CPLX1: variants seen among roughly 807,000 people sequenced by gnomAD.
CPLX1 encodes complexin 1.
Under a neutral mutation model 15.6 loss-of-function variants are expected in CPLX1, and 6 were observed. The observed-to-expected ratio is 0.39, with a 90% CI of 0.21 to 0.76. CPLX1 has a LOEUF of 0.76. CPLX1 is among the 30% of genes least tolerant of loss of function. The pLI, the probability that CPLX1 is intolerant of heterozygous loss-of-function variation, is 0.43. For missense variants in CPLX1, 242 were observed against 188.6 expected, an observed-to-expected ratio of 1.28 and a Z score of -1.66; for synonymous variants, 91 against 75.2, an observed-to-expected ratio of 1.21 and a Z score of -1.08.
intron 2 of CPLX1, among the ~76,000 whole-genome samples, chr4:816,083 G>A (rs1018721654): frequency 2.0e-5 from 3 of 152,122 alleles, no homozygotes; most frequent in Non-Finnish European, 4.4e-5. Context: ...CACCTTGGAG[G>A]CTGGTTTTTC....
intron 3 of CPLX1, chr4:787,894 TG>T (rs1746049741): frequency 1.0e-6 from 1 of 985,356 alleles, no homozygotes; most frequent in Non-Finnish European, 1.2e-6. Flanking sequence ...TGGGCTGGCC[TG>T]GAAGGATTGG....
At chr4:804,039 GAGAT>G (rs769274937) in intron 2 of CPLX1, among the ~76,000 whole-genome samples, 9 of 152,246 alleles carry the variant, frequency 5.9e-5, no homozygotes, top group Non-Finnish European at 1.3e-4. Flanking sequence ...GGTGTTCAGT[GAGAT>G]GTGTGTTGTG....
intron 2 of CPLX1, among the ~76,000 whole-genome samples, chr4:823,796 T>G (rs1746918947): frequency 6.6e-6 from 1 of 152,236 alleles, no homozygotes; most frequent in Non-Finnish European, 1.5e-5. Flanking sequence ...AATGACAGCC[T>G]TGGGTCAAGT....
intron 2 of CPLX1, among the ~76,000 whole-genome samples, chr4:795,885 C>T (rs1168890551): frequency 3.3e-5 from 5 of 152,108 alleles, no homozygotes; most frequent in Non-Finnish European, 7.3e-5. Flanking sequence ...CTCCCGGTAG[C>T]AGAAGGGGCA....
chr4:798,194 G>A (rs983809906), intron 2 of CPLX1, among the ~76,000 whole-genome samples: 2 of 144,270 alleles, frequency 1.4e-5, no homozygotes, highest in Non-Finnish European at 3.0e-5. Flanking sequence ...AGAATCACTT[G>A]AACCCAAGAG....
Position 786,282 on chromosome 4 carries a change from C to T in CPLX1, c.*219G>A. On this transcript the variant is annotated 3_prime_UTR_variant, in exon 4 of 4. Coordinates refer to ENST00000304062, the MANE Select transcript of CPLX1 (RefSeq NM_006651.4). ...AGGGGCGTCCCAGGCGATGGGGCTC[C>T]AGCCACCCGCGGGCAGAGGAGCACG... The T allele has an allele frequency of 2.4e-6, 1 of 412,196 alleles. No individual in the cohort carries two copies. The allele number at this position is 412,196 out of a possible 1,614,324, so 25.5% of individuals were successfully genotyped here.
chr4:818,676 C>G (rs1190318247), intron 2 of CPLX1, among the ~76,000 whole-genome samples: 3 of 152,284 alleles, frequency 2.0e-5, no homozygotes, highest in Non-Finnish European at 4.4e-5. Context: ...AGGATTACAA[C>G]TGTCCTGGAA....
chr4:799,222 G>A (rs529513813), intron 2 of CPLX1, among the ~76,000 whole-genome samples: 7 of 152,360 alleles, frequency 4.6e-5, no homozygotes, highest in Non-Finnish European at 1.0e-4. Flanking sequence ...AGGAAGGAAC[G>A]CTACAGAGAG....
rs771615906 is a variant in CPLX1, at chr4:794,764, C to G, written c.32-2156G>C. 5.0e-4 allele frequency among the ~76,000 whole-genome samples: 76 copies of G among 152,330 alleles called. No homozygotes were observed. The Middle Eastern group carries it at 0.014, about 27-fold the overall frequency. On this transcript the variant is annotated intron_variant, in intron 2 of 3. Coordinates refer to ENST00000304062, the MANE Select transcript of CPLX1 (RefSeq NM_006651.4). ...GAGGTGGGTGAGCCTGGTCTCTCCC[C>G]ACATTGCTCTCCTGATGGAAGGGGT...
In CPLX1 at chr4:824,531, C is replaced by T. The variant is rs761969539; in HGVS notation, c.-9G>A. ...TTCATCACAAACTCCATGGCGATTG[C>T]TCTGCTTCCACAGTGGCTCCTCCAG... On this transcript the variant is annotated 5_prime_UTR_variant, in exon 2 of 4. Transcript: ENST00000304062. 3 of 1,612,886 alleles carry T rather than the reference C, an allele frequency of 1.9e-6. No homozygotes were observed. The highest frequency in any genetic ancestry group is 4.5e-5 in the East Asian group (2 of 44,882).
At chr4:810,190 C>T (rs572341408) in intron 2 of CPLX1, among the ~76,000 whole-genome samples, 2 of 152,002 alleles carry the variant, frequency 1.3e-5, no homozygotes, top group South Asian at 2.1e-4. Flanking sequence ...GCTGGGATTA[C>T]AGGCGCCTGC....
chr4:807,023 G>A (rs762124524), intron 2 of CPLX1, among the ~76,000 whole-genome samples: 6 of 152,132 alleles, frequency 3.9e-5, no homozygotes, highest in African/African-American at 9.7e-5. Context: ...ATATATGTAC[G>A]TGTATGTTCA....
chr4:808,174 C>G (rs1403896288), intron 2 of CPLX1, among the ~76,000 whole-genome samples: 3 of 151,968 alleles, frequency 2.0e-5, no homozygotes, highest in Admixed American at 1.3e-4. Flanking sequence ...GAGGCTGAGG[C>G]GAGAGAATTT....
At chr4:804,960 T>G in intron 2 of CPLX1, 1 of 984,902 alleles carries the variant, frequency 1.0e-6, no homozygotes, top group East Asian at 1.1e-4. Context: ...GGCGTCCCAC[T>G]CCTGCGCGGC....
intron 2 of CPLX1, among the ~76,000 whole-genome samples, chr4:800,373 G>C (rs1163342656): frequency 6.6e-6 from 1 of 151,838 alleles, no homozygotes; most frequent in Admixed American, 6.6e-5. Flanking sequence ...AGTGGCTCAC[G>C]CCTGTAATCC....
Position 786,388 on chromosome 4 carries a change from G to C in CPLX1, c.*113C>G. The C allele has an allele frequency of 2.4e-6, 3 of 1,244,892 alleles. No homozygotes were observed. The highest frequency in any genetic ancestry group is 3.2e-6 in the Non-Finnish European group (3 of 930,188). 77.1% of individuals were successfully genotyped at this position (1,244,892 alleles called of 1,614,324 possible). On this transcript the variant is annotated 3_prime_UTR_variant, in exon 4 of 4. Coordinates refer to ENST00000304062, the MANE Select transcript of CPLX1 (RefSeq NM_006651.4). ...CGGGCGCGGGCAGGGCGGGCCTGGG[G>C]CTATGGCTTATATCGGCGTGGGGGC...
chr4:807,422 G>A (rs974929467), intron 2 of CPLX1, among the ~76,000 whole-genome samples: 1 of 152,040 alleles, frequency 6.6e-6, no homozygotes, highest in Non-Finnish European at 1.5e-5. Flanking sequence ...CATGGTACAC[G>A]TTTACTACCT....
chr4:799,660 C>T (rs1171809056), intron 2 of CPLX1, among the ~76,000 whole-genome samples: 2 of 152,110 alleles, frequency 1.3e-5, no homozygotes, highest in East Asian at 1.9e-4. Context: ...GTCTGGAGTT[C>T]GAGACCAGCC....
intron 2 of CPLX1, 26 bp from the exon 3 acceptor site, chr4:792,634 C>T: frequency 1.3e-6 from 2 of 1,596,540 alleles, no homozygotes; most frequent in Non-Finnish European, 1.7e-6. Flanking sequence ...GTGATTCAGA[C>T]CGCCCCATTC....
Sources: gnomAD v4.1 joint callset for allele counts (sites outside exome capture counted in the v4.1 genomes callset) on GRCh38, gnomAD v4.1.1 for gene constraint, MANE v1.5 for transcripts, NCBI Gene and HGNC (gene_info 2026-07-23, HGNC 2026-07-21) for gene names.